Variants in KIAA1217 observed in about 807,000 individuals in gnomAD.
The protein encoded by KIAA1217 is sickle tail protein homolog.
In KIAA1217, 88 loss-of-function variants were observed where a neutral mutation model predicts 163.9. That is an observed-to-expected ratio of 0.54 (90% confidence interval 0.45 to 0.64). KIAA1217 has a LOEUF of 0.64. Among genes scored for constraint, KIAA1217 ranks in the 30% least tolerant of loss-of-function variants. The pLI, the probability that KIAA1217 is intolerant of heterozygous loss-of-function variation, is 0.00. For missense variants in KIAA1217, 2,372 were observed against 2,475.0 expected (o/e 0.96, Z 0.88); for synonymous variants, 903 against 923.1 (o/e 0.98, Z 0.39).
intron 3 of KIAA1217, among the ~76,000 whole-genome samples, chr10:24,392,393 C>A (rs2055104140): frequency 6.6e-6 from 1 of 152,152 alleles, no homozygotes; most frequent in South Asian, 2.1e-4. Flanking sequence ...ACTTCAAAAT[C>A]CAACAACACA....
intron 1 of KIAA1217, among the ~76,000 whole-genome samples, chr10:23,848,743 A>C (rs1264196299): frequency 6.6e-6 from 1 of 152,044 alleles, no homozygotes; most frequent in Non-Finnish European, 1.5e-5. Flanking sequence ...ATATCTATTG[A>C]ATTATCACTT....
chr10:24,040,827 G>C (rs890144130), intron 2 of KIAA1217, among the ~76,000 whole-genome samples: 25 of 152,126 alleles, frequency 1.6e-4, no homozygotes, highest in African/African-American at 5.3e-4. Context: ...TGAAAAAGAC[G>C]GGCTAAGGAA....
intron 1 of KIAA1217, among the ~76,000 whole-genome samples, chr10:23,895,998 G>C (rs1422479171): frequency 3.3e-5 from 4 of 122,060 alleles, no homozygotes; most frequent in South Asian, 3.4e-4. Flanking sequence ...GTTGTGGGGT[G>C]GGGGGAGGGG....
At chr10:23,935,341 C>G (rs1843479783) in intron 1 of KIAA1217, among the ~76,000 whole-genome samples, 1 of 152,158 alleles carries the variant, frequency 6.6e-6, no homozygotes, top group Admixed American at 6.5e-5. Context: ...CAGACTTCTG[C>G]CCACCTCAGA....
intron 10 of KIAA1217, among the ~76,000 whole-genome samples, chr10:24,517,589 TCTC>T (rs1328715867): frequency 6.6e-6 from 1 of 152,204 alleles, no homozygotes; most frequent in Non-Finnish European, 1.5e-5. Flanking sequence ...TTTTTGTTCT[TCTC>T]CTTCTTCTTC....
At chr10:23,866,434 G>C (rs1247083784) in intron 1 of KIAA1217, among the ~76,000 whole-genome samples, 1 of 152,152 alleles carries the variant, frequency 6.6e-6, no homozygotes, top group Non-Finnish European at 1.5e-5. Flanking sequence ...GTTTTCTAAA[G>C]ACATGATGTT....
intron 1 of KIAA1217, among the ~76,000 whole-genome samples, chr10:23,742,900 C>A (rs1044440802): frequency 2.6e-5 from 4 of 152,040 alleles, no homozygotes; most frequent in African/African-American, 9.7e-5. Flanking sequence ...TGTAGGGGTT[C>A]AGGGGAGATC....
chr10:24,201,879 T>C (rs1564821767), intron 2 of KIAA1217, among the ~76,000 whole-genome samples: 1 of 152,124 alleles, frequency 6.6e-6, no homozygotes, highest in Non-Finnish European at 1.5e-5. Flanking sequence ...AGTGAGCCCT[T>C]TGAGTCTCTG....
chr10:24,466,738 G>C, intron 5 of KIAA1217: 1 of 985,458 alleles, frequency 1.0e-6, no homozygotes, highest in South Asian at 4.7e-5. Flanking sequence ...CAGGACCTGA[G>C]CGAATGTGCT....
At chr10:24,328,890 C>G (rs905861338) in intron 2 of KIAA1217, among the ~76,000 whole-genome samples, 3 of 151,784 alleles carry the variant, frequency 2.0e-5, no homozygotes, top group African/African-American at 7.3e-5. Flanking sequence ...ATGTGTCTTC[C>G]CAATTTTCAT....
intron 2 of KIAA1217, among the ~76,000 whole-genome samples, chr10:24,070,781 G>A (rs879329025): frequency 4.6e-5 from 7 of 152,120 alleles, no homozygotes; most frequent in African/African-American, 1.7e-4. Flanking sequence ...TCAAAGGAAA[G>A]GTTGCGAAAA....
chr10:23,864,050 C>T (rs1264803440), intron 1 of KIAA1217, among the ~76,000 whole-genome samples: 1 of 150,982 alleles, frequency 6.6e-6, no homozygotes, highest in Non-Finnish European at 1.5e-5. Context: ...TTATTGAGTA[C>T]TCACAAAAAC....
chr10:24,071,029 A>G (rs982197187), intron 2 of KIAA1217, among the ~76,000 whole-genome samples: 1 of 152,156 alleles, frequency 6.6e-6, no homozygotes, highest in South Asian at 2.1e-4. Context: ...TACTAAACAA[A>G]TCACTCTATC....
At chr10:24,288,870 C>A (rs779381280) in intron 2 of KIAA1217, among the ~76,000 whole-genome samples, 1 of 152,226 alleles carries the variant, frequency 6.6e-6, no homozygotes, top group East Asian at 1.9e-4. Flanking sequence ...TGGGAAGCAA[C>A]TAAAAGGTAA....
intron 2 of KIAA1217, among the ~76,000 whole-genome samples, chr10:24,179,217 C>T (rs919824839): frequency 5.1e-4 from 77 of 152,274 alleles, no homozygotes; most frequent in African/African-American, 1.8e-3. Context: ...GGCTTTTGGG[C>T]TTCTGATATG....
chr10:24,419,192 A>G (rs2058530258), intron 3 of KIAA1217, among the ~76,000 whole-genome samples: 1 of 149,496 alleles, frequency 6.7e-6, no homozygotes. Flanking sequence ...AAAAAAAAAG[A>G]AAGAAAATCT....
At chr10:23,992,060 G>A (rs891547248) in intron 1 of KIAA1217, among the ~76,000 whole-genome samples, 1 of 152,044 alleles carries the variant, frequency 6.6e-6, no homozygotes, top group African/African-American at 2.4e-5. Context: ...ATCATTTTAT[G>A]GGCTCTCTTC....
chr10:23,710,605 G>A (rs1231945681), intron 1 of KIAA1217, among the ~76,000 whole-genome samples: 1 of 152,182 alleles, frequency 6.6e-6, no homozygotes. Context: ...AACATAGTGG[G>A]TGTTCTATTT....
intron 1 of KIAA1217, among the ~76,000 whole-genome samples, chr10:23,887,930 C>G (rs902045072): frequency 6.6e-6 from 1 of 151,896 alleles, no homozygotes; most frequent in Non-Finnish European, 1.5e-5. Context: ...TGATATATCT[C>G]TTATGAAATA....
Sources: allele counts gnomAD v4.1 joint callset (sites outside exome capture counted in the v4.1 genomes callset), GRCh38; gene constraint gnomAD v4.1.1; transcripts MANE v1.5; gene names NCBI Gene and HGNC (gene_info 2026-07-23, HGNC 2026-07-21).